ROBO2: variants seen among roughly 807,000 people sequenced by gnomAD.
The protein encoded by ROBO2 is roundabout guidance receptor 2, also known as roundabout homolog 2.
A neutral mutation model predicts 160.8 loss-of-function variants in ROBO2; 53 were observed. The ratio of observed to expected loss-of-function variants is 0.33; its 90% CI spans 0.26 to 0.41. ROBO2 has a LOEUF of 0.41. Among genes scored for constraint, ROBO2 ranks in the 10% least tolerant of loss-of-function variants. The pLI, the probability that ROBO2 is intolerant of heterozygous loss-of-function variation, is 1.00. For missense variants in ROBO2, 1,577 were observed against 1,722.4 expected (o/e 0.92, Z 1.49); for synonymous variants, 664 against 611.7 (o/e 1.09, Z -1.26).
At chr3:77,280,123 C>G (rs2060147521) in intron 2 of ROBO2, among the ~76,000 whole-genome samples, 2 of 152,120 alleles carry the variant, frequency 1.3e-5, no homozygotes, top group Admixed American at 1.3e-4. Context: ...ACCTCTCTCA[C>G]CTACATCTCT....
intron 2 of ROBO2, among the ~76,000 whole-genome samples, chr3:76,509,694 C>T (rs2080981654): frequency 6.6e-6 from 1 of 152,112 alleles, no homozygotes. Context: ...AGTGCCTCCT[C>T]ACAAGAATTA....
intron 2 of ROBO2, among the ~76,000 whole-genome samples, chr3:76,996,353 A>C (rs1004454037): frequency 3.9e-5 from 6 of 152,154 alleles, no homozygotes; most frequent in African/African-American, 9.7e-5. Context: ...TGGTTACTGT[A>C]GCCTTGTAGT....
At chr3:77,062,870 G>A (rs1559930293) in intron 1 of ROBO2, among the ~76,000 whole-genome samples, 1 of 152,142 alleles carries the variant, frequency 6.6e-6, no homozygotes, top group Non-Finnish European at 1.5e-5. Context: ...GTGTCAGTTT[G>A]CTATTTACAT....
chr3:77,648,196 T>C (rs984942232), exon 26 of ROBO2: 1 of 152,178 alleles, frequency 6.6e-6, no homozygotes, highest in Non-Finnish European at 1.5e-5. Context: ...ACTTTAAATA[T>C]CTCTTTATGA....
intron 2 of ROBO2, among the ~76,000 whole-genome samples, chr3:76,834,112 T>TTCTTTCTTTCTTTCTTTCTTTCTC (rs1267085073): frequency 4.8e-5 from 7 of 145,496 alleles, no homozygotes; most frequent in African/African-American, 1.8e-4. Flanking sequence ...CTTTCTTTCT[T>TTCTTTCTTTCTTTCTTTCTTTCTC]TCTCTCTGTC....
intron 4 of ROBO2, among the ~76,000 whole-genome samples, chr3:77,482,290 C>T (rs549163532): frequency 3.9e-4 from 60 of 152,248 alleles, no homozygotes; most frequent in African/African-American, 1.4e-3. Context: ...TTCTTCAGGA[C>T]ACACCCAAGT....
intron 2 of ROBO2, among the ~76,000 whole-genome samples, chr3:76,652,578 A>C (rs1430923167): frequency 6.6e-6 from 1 of 152,198 alleles, no homozygotes; most frequent in Non-Finnish European, 1.5e-5. Flanking sequence ...AATATCTTTC[A>C]TGCAATTTAG....
chr3:76,735,786 A>AGGCG lies in ROBO2; in HGVS notation c.110-362226_110-362225insCGGG, dbSNP rs146320902. Among the ~76,000 whole-genome samples the AGGCG allele has an allele frequency of 5.5e-5, 7 of 126,612 alleles. No individual in the cohort carries two copies. The East Asian group carries it at 1.4e-3, about 26-fold the overall frequency. 83.1% of individuals were successfully genotyped at this position (126,612 alleles called of 152,430 possible). On this transcript the variant is annotated intron_variant, in intron 2 of 26. Coordinates refer to the ROBO2 transcript ENST00000487694. ...AAAAAAAAAAAAAAAGAAAAAAAAA[A>AGGCG]GGGGAAAGGGAAAAGAAAAAAGAAA...
At chr3:76,962,586 C>G (rs976752695) in intron 2 of ROBO2, among the ~76,000 whole-genome samples, 1 of 141,666 alleles carries the variant, frequency 7.1e-6, no homozygotes, top group Non-Finnish European at 1.5e-5. Context: ...TGTGGTGAGC[C>G]AAGATCGTGC....
chr3:77,481,234 T>G lies in ROBO2; in HGVS notation c.667+15T>G. ...GACTGTCTTTGGTAAAACTTTCTTCTAAATTATAAATTTTTATTTTTATCA... is the reference window on the plus strand; with the variant it reads ...GACTGTCTTTGGTAAAACTTTCTTCGAAATTATAAATTTTTATTTTTATCA... On this transcript the variant is annotated intron_variant, in intron 4 of 25. Transcript: ENST00000461745. 1 of 1,503,460 alleles carries G rather than the reference T, an allele frequency of 6.7e-7. No homozygotes were observed. 93.1% of individuals were successfully genotyped at this position (1,503,460 alleles called of 1,614,324 possible).
intron 2 of ROBO2, among the ~76,000 whole-genome samples, chr3:76,470,537 C>T (rs1450154743): frequency 6.6e-6 from 1 of 152,114 alleles, no homozygotes; most frequent in Non-Finnish European, 1.5e-5. Context: ...CTCTACGTGA[C>T]TCGGGCTTCT....
At chr3:77,457,554 C>G (rs376931834) in intron 2 of ROBO2, among the ~76,000 whole-genome samples, 1 of 151,978 alleles carries the variant, frequency 6.6e-6, no homozygotes, top group Non-Finnish European at 1.5e-5. Flanking sequence ...AAAACTTGAT[C>G]GGTATTATAT....
chr3:76,308,376 CAAAAA>C (rs71277580), intron 2 of ROBO2, among the ~76,000 whole-genome samples: 3 of 85,590 alleles, frequency 3.5e-5, no homozygotes, highest in South Asian at 5.1e-4. Context: ...GACTCTGTCT[CAAAAA>C]AAAAAAAAAA....
intron 2 of ROBO2, among the ~76,000 whole-genome samples, chr3:76,023,929 C>A (rs1206791701): frequency 6.6e-6 from 1 of 151,346 alleles, no homozygotes; most frequent in Admixed American, 6.6e-5. Flanking sequence ...AGATTAGATC[C>A]AAATCAAATC....
At chr3:77,168,464 T>C (rs2079308825) in intron 2 of ROBO2, among the ~76,000 whole-genome samples, 1 of 152,240 alleles carries the variant, frequency 6.6e-6, no homozygotes, top group East Asian at 1.9e-4. Flanking sequence ...ATAAGAAGTC[T>C]GATTTGAAAT....
intron 2 of ROBO2, among the ~76,000 whole-genome samples, chr3:76,835,568 C>T (rs945023332): frequency 1.3e-5 from 2 of 151,408 alleles, no homozygotes; most frequent in African/African-American, 4.8e-5. Flanking sequence ...ATCGTTGATA[C>T]ATATGTTAAG....
intron 2 of ROBO2, among the ~76,000 whole-genome samples, chr3:76,795,004 T>G (rs1485626892): frequency 6.6e-6 from 1 of 152,080 alleles, no homozygotes; most frequent in Non-Finnish European, 1.5e-5. Context: ...ATAAAGGAAG[T>G]GACAATAATT....
At chr3:76,229,661 T>G (rs1704503201) in intron 2 of ROBO2, among the ~76,000 whole-genome samples, 1 of 152,198 alleles carries the variant, frequency 6.6e-6, no homozygotes, top group African/African-American at 2.4e-5. Context: ...CAGCAGGTTT[T>G]ACTTTTTGTT....
chr3:77,125,715 T>C (rs763117941), intron 2 of ROBO2, among the ~76,000 whole-genome samples: 1 of 152,192 alleles, frequency 6.6e-6, no homozygotes, highest in East Asian at 1.9e-4. Flanking sequence ...ATAATGCTTT[T>C]TCAATACAGG....
Sources: gnomAD v4.1 joint callset for allele counts (sites outside exome capture counted in the v4.1 genomes callset) on GRCh38, gnomAD v4.1.1 for gene constraint, MANE v1.5 for transcripts, NCBI Gene and HGNC (gene_info 2026-07-23, HGNC 2026-07-21) for gene names.